Variants in UNC5D observed in about 807,000 individuals in gnomAD.
UNC5D encodes unc-5 netrin receptor D, also known as netrin receptor UNC5D.
A neutral mutation model predicts 105.4 loss-of-function variants in UNC5D; 39 were observed. That is an observed-to-expected ratio of 0.37 (90% CI 0.29 to 0.48). The LOEUF (loss-of-function observed/expected upper bound fraction) is 0.48, where lower values mean the gene tolerates loss of function less well. Ranked by LOEUF, UNC5D falls within the 20% of genes least tolerant of loss-of-function variation. The pLI, the probability that UNC5D is intolerant of heterozygous loss-of-function variation, is 0.98. For synonymous variants in UNC5D, 452 were observed against 450.4 expected (o/e 1.00, Z -0.04); for missense variants, 991 against 1,202.4 (o/e 0.82, Z 2.60).
intron 1 of UNC5D, among the ~76,000 whole-genome samples, chr8:35,368,927 C>A (rs1802281287): frequency 6.6e-6 from 1 of 152,172 alleles, no homozygotes; most frequent in Non-Finnish European, 1.5e-5. Flanking sequence ...GCACCCTAAT[C>A]ATGGACTTCC....
intron 4 of UNC5D, among the ~76,000 whole-genome samples, chr8:35,626,781 C>T (rs1339009413): frequency 6.6e-6 from 1 of 152,128 alleles, no homozygotes; most frequent in African/African-American, 2.4e-5. Flanking sequence ...TACTATCAAA[C>T]AAACATACAT....
intron 1 of UNC5D, among the ~76,000 whole-genome samples, chr8:35,365,735 C>T (rs1802081900): frequency 6.6e-6 from 1 of 151,694 alleles, no homozygotes; most frequent in African/African-American, 2.4e-5. Flanking sequence ...AAGGGTATCA[C>T]TGAATAGGAA....
intron 8 of UNC5D, among the ~76,000 whole-genome samples, chr8:35,711,894 A>G (rs981499436): frequency 3.3e-5 from 5 of 152,300 alleles, no homozygotes; most frequent in Non-Finnish European, 5.9e-5. Context: ...CACCTGTTCA[A>G]TTTACCAGAG....
intron 1 of UNC5D, among the ~76,000 whole-genome samples, chr8:35,238,140 A>G (rs1052524387): frequency 2.6e-5 from 4 of 152,224 alleles, no homozygotes; most frequent in Admixed American, 2.0e-4. Context: ...GTATAGAATT[A>G]TGCCATTTGC....
intron 7 of UNC5D, among the ~76,000 whole-genome samples, chr8:35,702,965 G>A (rs1827313039): frequency 6.6e-6 from 1 of 152,040 alleles, no homozygotes; most frequent in South Asian, 2.1e-4. Flanking sequence ...TTGGTTGCTG[G>A]TCTGCACATT....
intron 1 of UNC5D, among the ~76,000 whole-genome samples, chr8:35,541,069 C>G (rs1275779393): frequency 6.6e-6 from 1 of 152,136 alleles, no homozygotes; most frequent in Non-Finnish European, 1.5e-5. Context: ...AAGGGACAAA[C>G]TTTAAAAAAA....
At chr8:35,602,427 C>G (rs1819951607) in intron 4 of UNC5D, among the ~76,000 whole-genome samples, 2 of 152,114 alleles carry the variant, frequency 1.3e-5, no homozygotes, top group Non-Finnish European at 2.9e-5. Flanking sequence ...TCCATCTGGT[C>G]CTGGACTTTT....
chr8:35,383,036 A>G (rs1408324718), intron 1 of UNC5D, among the ~76,000 whole-genome samples: 2 of 152,228 alleles, frequency 1.3e-5, no homozygotes, highest in Non-Finnish European at 2.9e-5. Context: ...AAGAAAAGGA[A>G]GTGCATTTAG....
rs186410450 is a variant in UNC5D at position 35,596,867 on chromosome 8, C to T, written c.570+1210C>T. 4.9e-3 allele frequency among the ~76,000 whole-genome samples: 741 copies of T among 152,250 alleles called. 3 individuals are homozygous for T. The highest frequency in any genetic ancestry group is 0.017 in the African/African-American group (700 of 41,536). ...GAATGGGAGGCAGGTTGGCCCTAAG[C>T]GGTTCCCAGCTTGACTTTTCCCTTT... On this transcript the variant is annotated intron_variant, in intron 4 of 16. Transcript: ENST00000404895.
At chr8:35,275,795 T>G (rs968233049) in intron 1 of UNC5D, among the ~76,000 whole-genome samples, 1 of 152,256 alleles carries the variant, frequency 6.6e-6, no homozygotes, top group Non-Finnish European at 1.5e-5. Flanking sequence ...GCCTTTAACT[T>G]CAGTTTTGTT....
At chr8:35,669,373 T>TAACA (rs1056853921) in intron 4 of UNC5D, among the ~76,000 whole-genome samples, 3 of 152,136 alleles carry the variant, frequency 2.0e-5, no homozygotes, top group Non-Finnish European at 4.4e-5. Flanking sequence ...AGTCAGTACC[T>TAACA]AACAGTGCAG....
intron 1 of UNC5D, among the ~76,000 whole-genome samples, chr8:35,445,139 C>A (rs1052899333): frequency 6.6e-6 from 1 of 151,918 alleles, no homozygotes; most frequent in African/African-American, 2.4e-5. Flanking sequence ...AACTTCCTGC[C>A]TCCCTGTCTC....
intron 1 of UNC5D, among the ~76,000 whole-genome samples, chr8:35,298,854 T>C (rs1465132880): frequency 6.6e-6 from 1 of 152,206 alleles, no homozygotes; most frequent in African/African-American, 2.4e-5. Context: ...TACTTGAACA[T>C]TAACAAAGTG....
intron 11 of UNC5D, among the ~76,000 whole-genome samples, chr8:35,746,882 C>A (rs563052685): frequency 2.0e-5 from 3 of 152,318 alleles, no homozygotes; most frequent in African/African-American, 7.2e-5. Flanking sequence ...ATGGCCCTGG[C>A]AGGCACCCAC....
At chr8:35,582,235 A>G (rs1356485747) in intron 3 of UNC5D, among the ~76,000 whole-genome samples, 3 of 151,992 alleles carry the variant, frequency 2.0e-5, no homozygotes, top group African/African-American at 7.2e-5. Context: ...AGCCACAGTG[A>G]TTTCTTTCTC....
intron 4 of UNC5D, among the ~76,000 whole-genome samples, chr8:35,607,325 C>T (rs28460849): frequency 0.012 from 1,856 of 152,190 alleles, 50 homozygotes; most frequent in African/African-American, 0.043. Context: ...AATAAATTAC[C>T]ACCACTGAGG....
chr8:35,525,229 G>C, intron 1 of UNC5D: 2 of 1,611,746 alleles, frequency 1.2e-6, no homozygotes, highest in Non-Finnish European at 1.7e-6. Flanking sequence ...GAACGTTGCA[G>C]TATCTTTTGG....
intron 1 of UNC5D, among the ~76,000 whole-genome samples, chr8:35,535,138 G>A (rs1037238810): frequency 8.5e-5 from 13 of 152,150 alleles, no homozygotes; most frequent in African/African-American, 3.1e-4. Flanking sequence ...CTTGCTATAA[G>A]CCATGGATAC....
At chr8:35,363,916 C>T (rs1801974924) in intron 1 of UNC5D, among the ~76,000 whole-genome samples, 1 of 152,112 alleles carries the variant, frequency 6.6e-6, no homozygotes, top group African/African-American at 2.4e-5. Flanking sequence ...GGCATGGTGA[C>T]TTACAGCTGT....
Sources: allele counts gnomAD v4.1 joint callset (sites outside exome capture counted in the v4.1 genomes callset), GRCh38; gene constraint gnomAD v4.1.1; transcripts MANE v1.5; gene names NCBI Gene and HGNC (gene_info 2026-07-23, HGNC 2026-07-21).